PHF21B: variants seen among roughly 807,000 people sequenced by gnomAD.
PHF21B encodes the protein PHD finger protein 4.
In PHF21B, 22 loss-of-function variants were observed where a neutral mutation model predicts 62.2. The observed-to-expected ratio is 0.35, with a 90% CI of 0.25 to 0.51. PHF21B has a LOEUF of 0.51. Ranked by LOEUF, PHF21B falls within the 20% of genes least tolerant of loss-of-function variation. The pLI, the probability that PHF21B is intolerant of heterozygous loss-of-function variation, is 0.97. For missense variants in PHF21B, 701 were observed against 707.9 expected, an observed-to-expected ratio of 0.99 and a Z score of 0.11; for synonymous variants, 341 against 314.7, an observed-to-expected ratio of 1.08 and a Z score of -0.88.
chr22:44,913,277 G>A (rs946598128), intron 5 of PHF21B, among the ~76,000 whole-genome samples: 4 of 152,188 alleles, frequency 2.6e-5, no homozygotes, highest in African/African-American at 2.4e-5. Flanking sequence ...CCAGGGTCCT[G>A]CACACACCCA....
chr22:44,963,311 A>C (rs971436867), intron 2 of PHF21B, among the ~76,000 whole-genome samples: 2 of 152,260 alleles, frequency 1.3e-5, no homozygotes, highest in Non-Finnish European at 2.9e-5. Flanking sequence ...CCCCGAGCGC[A>C]AGACAGCACA....
At position 44,933,730 on chromosome 22, in the gene PHF21B, G is replaced by GAC. The variant is rs1273043915; in HGVS notation, c.121-13241_121-13240insGT. ...TTCGTGCAGATAAGAGAGAGAGAGA[G>GAC]AGAGAGACAGACAGACAGACAGAGA... On this transcript the variant is annotated intron_variant, in intron 2 of 12. Transcript: ENST00000313237. 4.3e-3 allele frequency among the ~76,000 whole-genome samples: 499 copies of GAC among 116,928 alleles called. 4 individuals are homozygous for GAC. The highest frequency in any genetic ancestry group is 6.7e-3 in the Non-Finnish European group (357 of 53,256). 76.7% of individuals were successfully genotyped at this position (116,928 alleles called of 152,430 possible).
At chr22:45,003,189 G>T (rs2073250905) in intron 2 of PHF21B, 1 of 152,276 alleles carries the variant, frequency 6.6e-6, no homozygotes, top group Non-Finnish European at 1.5e-5. Flanking sequence ...CAGGCCTACT[G>T]CAGGCTAGGG....
chr22:44,960,070 A>C (rs955731885), intron 2 of PHF21B, among the ~76,000 whole-genome samples: 1 of 152,120 alleles, frequency 6.6e-6, no homozygotes. Context: ...CTGAAACCTG[A>C]GCATTCCTCA....
At chr22:44,972,419 C>T (rs1329858693) in intron 2 of PHF21B, among the ~76,000 whole-genome samples, 3 of 152,168 alleles carry the variant, frequency 2.0e-5, no homozygotes, top group Non-Finnish European at 4.4e-5. Flanking sequence ...AGCTTGAAAC[C>T]AAGTGTTGGC....
intron 2 of PHF21B, among the ~76,000 whole-genome samples, chr22:44,982,499 C>T (rs1206202380): frequency 6.6e-6 from 1 of 152,156 alleles, no homozygotes; most frequent in Non-Finnish European, 1.5e-5. Flanking sequence ...GTCTGCAGGA[C>T]TCTAAGCCCG....
intron 2 of PHF21B, among the ~76,000 whole-genome samples, chr22:44,923,374 T>C (rs2071572031): frequency 6.8e-6 from 1 of 147,438 alleles, no homozygotes; most frequent in South Asian, 2.1e-4. Context: ...GATCTGAATG[T>C]AGGGACCAAA....
At chr22:44,943,761 C>G (rs1459241785) in intron 2 of PHF21B, among the ~76,000 whole-genome samples, 1 of 152,204 alleles carries the variant, frequency 6.6e-6, no homozygotes, top group Non-Finnish European at 1.5e-5. Context: ...ACCTTAGTCT[C>G]TACCAGTTTT....
chr22:45,000,359 T>C (rs1029371556), intron 2 of PHF21B, among the ~76,000 whole-genome samples: 2 of 150,190 alleles, frequency 1.3e-5, no homozygotes, highest in Non-Finnish European at 1.5e-5. Flanking sequence ...GAAGAAGGAG[T>C]GTGGCGCCCT....
rs930709934 is a variant in PHF21B at position 45,009,574 on chromosome 22, C to T, written c.-25G>A. The T allele has an allele frequency of 2.6e-6, 4 of 1,553,674 alleles. No individual in the cohort carries two copies. The highest frequency in any genetic ancestry group is 1.4e-5 in the African/African-American group (1 of 71,974). ...TCCCGGCAACTTGGGCAGCACTTTGCGCTCACTTTGGCCCGGGCTCCCGGG... is the reference window on the plus strand; with the variant it reads ...TCCCGGCAACTTGGGCAGCACTTTGTGCTCACTTTGGCCCGGGCTCCCGGG... On this transcript the variant is annotated 5_prime_UTR_variant, in exon 1 of 13. Transcript: ENST00000313237. This position sits in a 1 kb window ranked among gnomAD's most constrained non-coding sequence, Gnocchi z 5.9.
chr22:44,978,619 A>G (rs2072781946), intron 2 of PHF21B, among the ~76,000 whole-genome samples: 1 of 152,216 alleles, frequency 6.6e-6, no homozygotes, highest in Non-Finnish European at 1.5e-5. Flanking sequence ...TCGGTCTCCC[A>G]AAGTGCTGGG....
chr22:44,888,236 C>T (rs931930699), intron 9 of PHF21B, 115 bp from the exon 10 acceptor site: 1 of 1,159,636 alleles, frequency 8.6e-7, no homozygotes, highest in Non-Finnish European at 1.2e-6. Flanking sequence ...CGCTCTTCTG[C>T]CAACGTTTCC....
Position 45,009,685 on chromosome 22 carries a change from C to A in PHF21B, c.-136G>T. 2 of 811,406 alleles carry A rather than the reference C, an allele frequency of 2.5e-6. No homozygotes were observed. Among genetic ancestry groups the A allele is most frequent in the South Asian group, 4.4e-5 (2 of 45,932 alleles). 50.3% of individuals were successfully genotyped at this position (811,406 alleles called of 1,614,324 possible). A position where few individuals can be genotyped will look rare whatever the true frequency, so the allele number is the denominator to read the frequency against. On this transcript the variant is annotated 5_prime_UTR_variant, in exon 1 of 13. Coordinates refer to ENST00000313237, the MANE Select transcript of PHF21B (RefSeq NM_138415.5). The surrounding 1 kb of genome is among the most constrained non-coding windows in gnomAD (Gnocchi z 5.9). ...TTGGGGGGGACACGAGCCCCCTCCC[C>A]CACGGCCGAAAGGGAAGGGGGCTGG...
intron 2 of PHF21B, among the ~76,000 whole-genome samples, chr22:44,960,823 A>G (rs577428652): frequency 3.9e-4 from 59 of 152,150 alleles, no homozygotes; most frequent in Admixed American, 2.4e-3. Context: ...ACGCAAACTG[A>G]TGCATCAGCC....
chr22:44,975,489 T>C (rs759311485), intron 2 of PHF21B, among the ~76,000 whole-genome samples: 1 of 152,206 alleles, frequency 6.6e-6, no homozygotes, highest in South Asian at 2.1e-4. Context: ...AGTCCCCTCA[T>C]GAGTCGCAAG....
At chr22:44,922,712 C>T (rs1027738591) in intron 2 of PHF21B, among the ~76,000 whole-genome samples, 1 of 152,054 alleles carries the variant, frequency 6.6e-6, no homozygotes, top group Non-Finnish European at 1.5e-5. Context: ...TTTTAAATGC[C>T]ATTTGCAATA....
chr22:44,887,450 G>A (rs548379126), intron 10 of PHF21B, among the ~76,000 whole-genome samples: 8 of 152,186 alleles, frequency 5.3e-5, no homozygotes, highest in East Asian at 1.9e-4. Flanking sequence ...GGATGCTGGC[G>A]GAATATCTCA....
chr22:44,887,156 C>CAAAAAA (rs565346064), intron 10 of PHF21B, among the ~76,000 whole-genome samples: 5 of 65,076 alleles, frequency 7.7e-5, no homozygotes, highest in African/African-American at 2.2e-4. Flanking sequence ...AACTCCATCT[C>CAAAAAA]AAAAAAAAAA....
chr22:44,913,591 T>A (rs1275501813), intron 5 of PHF21B, among the ~76,000 whole-genome samples: 2 of 152,250 alleles, frequency 1.3e-5, no homozygotes, highest in Non-Finnish European at 2.9e-5. Flanking sequence ...CTAGAATTTG[T>A]GCTAACAACT....
Sources: allele counts gnomAD v4.1 joint callset (sites outside exome capture counted in the v4.1 genomes callset), GRCh38; gene constraint gnomAD v4.1.1; non-coding constraint Gnocchi (gnomAD v3.1); transcripts MANE v1.5; gene names NCBI Gene and HGNC (gene_info 2026-07-23, HGNC 2026-07-21).